The following BCCIP variants were observed in gnomAD, a reference collection of about 807,000 sequenced individuals.
BCCIP encodes the protein BRCA2 and CDKN1A-interacting protein.
Under a neutral mutation model 32.8 loss-of-function variants are expected in BCCIP, and 23 were observed. The observed-to-expected ratio is 0.70, with a 90% CI of 0.51 to 0.99. The LOEUF (loss-of-function observed/expected upper bound fraction) is 0.99. BCCIP is among the 50% of genes least tolerant of loss of function. BCCIP has a pLI of 0.00. For missense variants in BCCIP, 378 were observed against 379.8 expected (o/e 1.00, Z 0.04); for synonymous variants, 144 against 137.6 (o/e 1.05, Z -0.33).
At chr10:125,823,745 G>T (rs772479642) in intron 1 of BCCIP, 23 bp downstream of exon 1, 2 of 1,613,162 alleles carry the variant, frequency 1.2e-6, no homozygotes, top group Non-Finnish European at 8.5e-7. Flanking sequence ...CGCTCCCCTA[G>T]TTGGTTTATA....
chr10:125,833,261 C>T (rs532437426), intron 5 of BCCIP, among the ~76,000 whole-genome samples: 37 of 152,052 alleles, frequency 2.4e-4, no homozygotes, highest in Non-Finnish European at 4.4e-4. Context: ...GGCTTTGTTG[C>T]GATTCCATTG....
chr10:125,837,530 C>T (rs769809359), downstream of BCCIP, among the ~76,000 whole-genome samples: 11 of 152,140 alleles, frequency 7.2e-5, no homozygotes, highest in Non-Finnish European at 1.5e-4. Flanking sequence ...TGGGCTCAAG[C>T]GATCCTCTGT....
chr10:125,827,380 A>G (rs1023971140), intron 2 of BCCIP, among the ~76,000 whole-genome samples, 178 bp from the exon 3 acceptor site: 1 of 151,430 alleles, frequency 6.6e-6, no homozygotes, highest in African/African-American at 2.4e-5. Flanking sequence ...CTTTTCTGAA[A>G]TTTCCTAATC....
chr10:125,828,308 G>A (rs1854450101), intron 3 of BCCIP, among the ~76,000 whole-genome samples: 1 of 152,164 alleles, frequency 6.6e-6, no homozygotes, highest in South Asian at 2.1e-4. Context: ...TGTACATTTT[G>A]AGTTTGAGTT....
chr10:125,829,290 CAG>C (rs1192847640), intron 3 of BCCIP, among the ~76,000 whole-genome samples: 1 of 152,164 alleles, frequency 6.6e-6, no homozygotes, highest in Non-Finnish European at 1.5e-5. Context: ...CTGCTTAAAA[CAG>C]TGTCTGGCAG....
rs1944117259 is a variant in BCCIP at position 125,853,394 on chromosome 10, G to A, written c.*151G>A. 5 of 440,288 alleles carry A rather than the reference G, an allele frequency of 1.1e-5. No homozygotes were observed. In the East Asian group the frequency reaches 1.4e-4, roughly 12 times the overall value. The allele number at this position is 440,288 out of a possible 1,614,324, so 27.3% of individuals were successfully genotyped here. A position where few individuals can be genotyped will look rare whatever the true frequency, so the allele number is the denominator to read the frequency against. On this transcript the variant is annotated 3_prime_UTR_variant, in exon 8 of 8. Transcript: ENST00000368759. ...AGTCTCAGTGTCTTTCAGAGTTTGA[G>A]ATACCTTGTTTTCATTTTTTCTAAT...
At chr10:125,826,307 C>A in intron 1 of BCCIP, 1 of 370,872 alleles carries the variant, frequency 2.7e-6, no homozygotes. Context: ...CTAGGCAATT[C>A]CAGGGACTTT....
Position 125,836,160 on chromosome 10 carries a change from A to T in BCCIP, c.831A>T (p.Gly277=), listed in dbSNP as rs761329987. ...AGGAGGAGAGCGACACTTGTCTGGG[A>T]GGCAAATGGTCTTTTGATGACGTAC... ...SVQEESDTCL[G]GKWSFDDVPM... Residue 277 remains glycine (G), a synonymous_variant, in exon 7 of 7, where the codon GGA becomes GGT. Coordinates refer to ENST00000278100, the MANE Select transcript of BCCIP (RefSeq NM_078468.3). The T allele has an allele frequency of 6.2e-7, 1 of 1,614,212 alleles. No individual in the cohort carries two copies. Among genetic ancestry groups the T allele is most frequent in the East Asian group, 2.2e-5 (1 of 44,886 alleles).
At chr10:125,829,234 A>G (rs1485535619) in intron 3 of BCCIP, among the ~76,000 whole-genome samples, 2 of 152,208 alleles carry the variant, frequency 1.3e-5, no homozygotes, top group African/African-American at 4.8e-5. Flanking sequence ...GGATGGTACT[A>G]GCACCGATCT....
chr10:125,839,340 G>C, downstream of BCCIP: 1 of 747,130 alleles, frequency 1.3e-6, no homozygotes. Flanking sequence ...CAAGGACAAG[G>C]ATTTCTGGTG....
intron 3 of BCCIP, among the ~76,000 whole-genome samples, chr10:125,827,967 GAAA>G (rs11296499): frequency 1.9e-3 from 116 of 62,308 alleles, no homozygotes; most frequent in South Asian, 9.9e-3. Context: ...CCCTATATCT[GAAA>G]AAAAAAAAAA....
At chr10:125,834,270 A>G (rs1854595103) in intron 6 of BCCIP, among the ~76,000 whole-genome samples, 1 of 152,228 alleles carries the variant, frequency 6.6e-6, no homozygotes, top group Non-Finnish European at 1.5e-5. Context: ...GCGGAGAGGT[A>G]GACATTAGCC....
chr10:125,834,040 T>A, intron 6 of BCCIP, 94 bp downstream of exon 6: 1 of 1,380,312 alleles, frequency 7.2e-7, no homozygotes, highest in Non-Finnish European at 1.0e-6. Flanking sequence ...TAGGTCCAAG[T>A]CTTTCAAGTG....
At position 125,836,116 on chromosome 10, in the gene BCCIP, A is replaced by G; in HGVS notation, c.787A>G (p.Lys263Glu). The G allele has an allele frequency of 6.2e-7, 1 of 1,610,776 alleles. No individual in the cohort carries two copies. Among genetic ancestry groups the G allele is most frequent in the African/African-American group, 1.3e-5 (1 of 74,990 alleles). The change falls in exon 7 of 7, where the codon AAG becomes GAG. Residue 263 changes from lysine (K) to glutamate (E), a missense_variant. Lys to Glu is a moderately conservative substitution (Grantham distance 56). Transcript: ENST00000278100. ...TTATTTGGTTTAGAAGGCAATTCTC[A>G]AGTTCAACTACTCAGTGCAGGAGGA... is the stretch of plus-strand genomic sequence containing the variant. ...EEFFYEKAIL[K>E]FNYSVQEESD...
intron 3 of BCCIP, among the ~76,000 whole-genome samples, chr10:125,828,806 A>G (rs1184502163): frequency 6.6e-6 from 1 of 152,164 alleles, no homozygotes; most frequent in African/African-American, 2.4e-5. Context: ...CTCCTGCTCC[A>G]TCATGTTAGC....
At chr10:125,852,381 C>T (rs1170238860) in intron 7 of BCCIP, 1 of 1,614,182 alleles carries the variant, frequency 6.2e-7, no homozygotes, top group Non-Finnish European at 8.5e-7. Context: ...TGGCTTCCTG[C>T]ATTTCTGCTG....
At chr10:125,832,493 GCT>G (rs1489552583) in intron 5 of BCCIP, among the ~76,000 whole-genome samples, 1 of 152,060 alleles carries the variant, frequency 6.6e-6, no homozygotes, top group East Asian at 1.9e-4. Context: ...CCTGCTCCCT[GCT>G]CTCTCAGCTG....
At chr10:125,841,590 A>G (rs989560306) in exon 7 of BCCIP, 1 of 1,445,198 alleles carries the variant, frequency 6.9e-7, no homozygotes, top group Non-Finnish European at 9.0e-7. Context: ...TTTCTAACCT[A>G]TTAAAATACC....
intron 5 of BCCIP, 34 bp downstream of exon 5, chr10:125,831,641 A>G: frequency 3.2e-6 from 5 of 1,569,322 alleles, no homozygotes; most frequent in East Asian, 2.2e-5. Context: ...TTTGAACAGT[A>G]ATTTTTTTTT....
Sources: gnomAD v4.1 joint callset for allele counts (sites outside exome capture counted in the v4.1 genomes callset) on GRCh38, gnomAD v4.1.1 for gene constraint, MANE v1.5 for transcripts, NCBI Gene and HGNC (gene_info 2026-07-23, HGNC 2026-07-21) for gene names.